ZNF740: variants seen among roughly 807,000 people sequenced by gnomAD.
ZNF740 encodes the protein zinc finger protein 740.
A neutral mutation model predicts 24.8 loss-of-function variants in ZNF740; 14 were observed. The observed-to-expected ratio is 0.56, with a 90% CI of 0.37 to 0.88. ZNF740 has a LOEUF of 0.88. ZNF740 is among the 40% of genes least tolerant of loss of function. ZNF740 has a pLI of 0.00. For missense variants in ZNF740, 201 were observed against 247.9 expected, an observed-to-expected ratio of 0.81 and a Z score of 1.27; for synonymous variants, 69 against 84.0, an observed-to-expected ratio of 0.82 and a Z score of 0.98.
rs1251859486 is a variant in ZNF740 at position 53,191,755 on chromosome 12, T to TG, written c.*4167dup. The stretch of plus-strand genomic sequence containing the variant: ...AGCTGATGGAAGTTAGCAGAGGGGT[T>TG]GGTTACATGTGCCAGGGGCTGGGGG... On this transcript the variant is annotated 3_prime_UTR_variant, in exon 7 of 7. Coordinates refer to ENST00000416904, the MANE Select transcript of ZNF740 (RefSeq NM_001004304.4). The TG allele has an allele frequency of 6.5e-7, 1 of 1,533,590 alleles. No homozygotes were observed. The highest frequency in any genetic ancestry group is 9.0e-7 in the Non-Finnish European group (1 of 1,109,168). The allele number at this position is 1,533,590 out of a possible 1,614,324, so 95.0% of individuals were successfully genotyped here. A position where few individuals can be genotyped will look rare whatever the true frequency, so the allele number is the denominator to read the frequency against.
Position 53,193,119 on chromosome 12 carries a change from T to G in ZNF740, c.*5529T>G. ...GGGAAGGCCTCTCAGACCCCGCCCTTCTCCCCAAGGCTCCAGGTACCTCCG... is the reference window on the plus strand; with the variant it reads ...GGGAAGGCCTCTCAGACCCCGCCCTGCTCCCCAAGGCTCCAGGTACCTCCG... On this transcript the variant is annotated 3_prime_UTR_variant, in exon 7 of 7. Coordinates refer to ENST00000416904, the MANE Select transcript of ZNF740 (RefSeq NM_001004304.4). The G allele has an allele frequency of 6.3e-7, 1 of 1,589,670 alleles. No homozygotes were observed. Among genetic ancestry groups the G allele is most frequent in the Non-Finnish European group, 8.6e-7 (1 of 1,162,174 alleles).
In ZNF740 at chr12:53,188,255, T is replaced by C. The variant is rs1941861505; in HGVS notation, c.*665T>C. 1 of 152,542 alleles carries C rather than the reference T, an allele frequency of 6.6e-6. No homozygotes were observed. The highest frequency in any genetic ancestry group is 1.5e-5 in the Non-Finnish European group (1 of 68,124). 9.4% of individuals were successfully genotyped at this position (152,542 alleles called of 1,614,324 possible). ...GCAGACAAGGGCTGGATCCAAAAAG[T>C]GGATGGCACCTCTTCCTTCCTCAAG... On this transcript the variant is annotated 3_prime_UTR_variant, in exon 7 of 7. Transcript: ENST00000416904.
In ZNF740 at chr12:53,187,631, T is replaced by C. The variant is rs1941849437; in HGVS notation, c.*41T>C. Reference sequence around the variant, plus strand: ...GGTGGTGGGAGTGATCAGAAGAACCTGCCGAAGAGCACACCCCCTCTGGTC... The same window carrying C: ...GGTGGTGGGAGTGATCAGAAGAACCCGCCGAAGAGCACACCCCCTCTGGTC... On this transcript the variant is annotated 3_prime_UTR_variant, in exon 7 of 7. Transcript: ENST00000416904. 6.5e-7 allele frequency: 1 copy of C among 1,529,984 alleles called. No homozygotes were observed. The highest frequency in any genetic ancestry group is 9.0e-7 in the Non-Finnish European group (1 of 1,105,660). The allele number at this position is 1,529,984 out of a possible 1,614,324, so 94.8% of individuals were successfully genotyped here.
chr12:53,184,495 G>A (rs1941785121), intron 2 of ZNF740, among the ~76,000 whole-genome samples: 1 of 152,152 alleles, frequency 6.6e-6, no homozygotes, highest in Non-Finnish European at 1.5e-5. Flanking sequence ...CCAGCTGAGG[G>A]CTGTTGAGGG....
chr12:53,185,909 A>G, intron 4 of ZNF740, 45 bp from the exon 5 acceptor site: 1 of 1,606,140 alleles, frequency 6.2e-7, no homozygotes, highest in South Asian at 1.1e-5. Context: ...GTCTCCAGGA[A>G]GAGGGCAGTG....
At chr12:53,183,770 T>C (rs1457030615) in intron 2 of ZNF740, among the ~76,000 whole-genome samples, 1 of 152,068 alleles carries the variant, frequency 6.6e-6, no homozygotes, top group East Asian at 1.9e-4. Flanking sequence ...TAGCCTGTAG[T>C]CCCAGGACCT....
intron 4 of ZNF740, among the ~76,000 whole-genome samples, 183 bp from the exon 5 acceptor site, chr12:53,185,771 T>C (rs1230511985): frequency 6.6e-6 from 1 of 152,136 alleles, no homozygotes; most frequent in Non-Finnish European, 1.5e-5. Flanking sequence ...ATAGACAGCT[T>C]ACCCACTCCA....
At chr12:53,184,258 G>A (rs1177171959) in intron 2 of ZNF740, among the ~76,000 whole-genome samples, 5 of 151,206 alleles carry the variant, frequency 3.3e-5, no homozygotes, top group African/African-American at 9.7e-5. Flanking sequence ...GCGCGATTTC[G>A]GCTCACTGCA....
rs59250662 is a variant in ZNF740 at position 53,184,150 on chromosome 12, T to TGTGTGTGTGTGCGC, written c.10-740_10-739insTGTGTGTGTGCGCG. 9.7e-4 allele frequency among the ~76,000 whole-genome samples: 101 copies of TGTGTGTGTGTGCGC among 104,414 alleles called. 2 individuals carry two copies. The highest frequency in any genetic ancestry group is 3.3e-3 in the South Asian group (11 of 3,326). The allele number at this position is 104,414 out of a possible 152,430, so 68.5% of individuals were successfully genotyped here. ...GTGTGTGTGTGTGTGTGTGTGTGTG[T>TGTGTGTGTGTGCGC]GCGCGCGCGCGCTCTGAAGCTAAGG... On this transcript the variant is annotated intron_variant, in intron 2 of 6. Coordinates refer to ENST00000416904, the MANE Select transcript of ZNF740 (RefSeq NM_001004304.4).
Position 53,193,037 on chromosome 12 carries a change from C to T in ZNF740, c.*5447C>T, listed in dbSNP as rs994556038. On this transcript the variant is annotated 3_prime_UTR_variant, in exon 7 of 7. Coordinates refer to ENST00000416904, the MANE Select transcript of ZNF740 (RefSeq NM_001004304.4). The stretch of plus-strand genomic sequence containing the variant: ...CAACCACACCCTCTAACCCATACAC[C>T]GGAATCTTTTGATATTTGCCTTCCA... 1.4e-5 allele frequency: 19 copies of T among 1,375,366 alleles called. No homozygotes were observed. The highest frequency in any genetic ancestry group is 3.9e-5 in the South Asian group (3 of 77,568). The allele number at this position is 1,375,366 out of a possible 1,614,324, so 85.2% of individuals were successfully genotyped here. A position where few individuals can be genotyped will look rare whatever the true frequency, so the allele number is the denominator to read the frequency against.
rs1942014409 is a variant in ZNF740, at chr12:53,192,924, A to G, written c.*5334A>G. On this transcript the variant is annotated 3_prime_UTR_variant, in exon 7 of 7. Transcript: ENST00000416904. ...AGCGACCAAAGCCTGGGGTAGAGCC[A>G]TGCAGAGGGTGACAACCATACTCCA... 6.8e-6 allele frequency: 11 copies of G among 1,611,632 alleles called. No homozygotes were observed. Among genetic ancestry groups the G allele is most frequent in the Non-Finnish European group, 9.3e-6 (11 of 1,178,062 alleles).
In ZNF740 at chr12:53,187,557, G is replaced by C. The variant is rs767576327; in HGVS notation, c.549G>C (p.Gln183His). Reference sequence around the variant, plus strand: ...ACAAACGGATGTGCCAAGGGTGCCAGTCCAAGACTTCCGACGGGCAGTTTT... The same window carrying C: ...ACAAACGGATGTGCCAAGGGTGCCACTCCAAGACTTCCGACGGGCAGTTTT... Reference protein sequence around the residue: ...LRHKRMCQGCQSKTSDGQFSL With the variant: ...LRHKRMCQGCHSKTSDGQFSL The change falls in exon 7 of 7, where the codon CAG (glutamine) becomes CAC (histidine). Residue 183 changes from glutamine (Q) to histidine (H), a missense_variant. Physicochemically the swap from Gln to His is conservative, Grantham distance 24. This residue lies in a region of ZNF740 where 24 missense variants were observed against 17.8 expected (regional missense o/e 1.35). Coordinates refer to ENST00000416904, the MANE Select transcript of ZNF740 (RefSeq NM_001004304.4). 3.7e-6 allele frequency: 6 copies of C among 1,613,918 alleles called. No homozygotes were observed. Among genetic ancestry groups the C allele is most frequent in the African/African-American group, 2.7e-5 (2 of 74,924 alleles).
At chr12:53,182,399 G>T (rs140842926) in intron 2 of ZNF740, among the ~76,000 whole-genome samples, 1 of 152,240 alleles carries the variant, frequency 6.6e-6, no homozygotes, top group East Asian at 1.9e-4. Flanking sequence ...GATTGTCCTT[G>T]TCCCCAGTGA....
rs367877432 is a variant in ZNF740, at chr12:53,191,953, C to T, written c.*4363C>T. The stretch of plus-strand genomic sequence containing the variant: ...CGAGAGCCGGTAAGCCAGGACCAGC[C>T]CCAGCCCCACTGCCACGATGCCCCC... On this transcript the variant is annotated 3_prime_UTR_variant, in exon 7 of 7. Transcript: ENST00000416904. 6.2e-7 allele frequency: 1 copy of T among 1,611,872 alleles called. No individual in the cohort carries two copies. The highest frequency in any genetic ancestry group is 8.5e-7 in the Non-Finnish European group (1 of 1,179,994).
In ZNF740 at chr12:53,185,982, T is replaced by G. The variant is rs761582130; in HGVS notation, c.278T>G (p.Phe93Cys). 1 of 1,613,834 alleles carries G rather than the reference T, an allele frequency of 6.2e-7. No homozygotes were observed. Among genetic ancestry groups the G allele is most frequent in the East Asian group, 2.2e-5 (1 of 44,886 alleles). Residue 93 changes from phenylalanine to cysteine, a missense_variant, in exon 5 of 7, where the codon TTT (phenylalanine) becomes TGT (cysteine). Transcript: ENST00000416904. ...KVVVVEQNGSFQVKIPKNFVC... is the reference protein window; with the variant it reads ...KVVVVEQNGSCQVKIPKNFVC... ...GTGGTAGTGGAACAAAATGGTTCTT[T>G]TCAAGTAAAGATTCCCAAAAATTTT...
In ZNF740 at chr12:53,192,240, G is replaced by T; in HGVS notation, c.*4650G>T. 7.1e-7 allele frequency: 1 copy of T among 1,401,058 alleles called. No homozygotes were observed. The highest frequency in any genetic ancestry group is 1.0e-6 in the Non-Finnish European group (1 of 1,001,756). The allele number at this position is 1,401,058 out of a possible 1,614,324, so 86.8% of individuals were successfully genotyped here. Reference sequence around the variant, plus strand: ...ATTCACAGTTCTGCTTCAGCCCCCAGCCTGTTTCCCATTATCTTCACTCTG... The same window carrying T: ...ATTCACAGTTCTGCTTCAGCCCCCATCCTGTTTCCCATTATCTTCACTCTG... On this transcript the variant is annotated 3_prime_UTR_variant, in exon 7 of 7. Coordinates refer to ENST00000416904, the MANE Select transcript of ZNF740 (RefSeq NM_001004304.4).
chr12:53,186,741 G>A, intron 6 of ZNF740: 1 of 421,778 alleles, frequency 2.4e-6, no homozygotes. Context: ...TCTATGCCAG[G>A]CACTGTGAGA....
At chr12:53,180,965 G>A (rs1941575811) in intron 1 of ZNF740, 128 bp downstream of exon 1, 4 of 799,616 alleles carry the variant, frequency 5.0e-6, no homozygotes, top group Non-Finnish European at 6.2e-6. Flanking sequence ...CGAAGGGAGG[G>A]GGATCTCCGG....
At chr12:53,187,208 T>C (rs1284241607) in intron 6 of ZNF740, among the ~76,000 whole-genome samples, 1 of 152,250 alleles carries the variant, frequency 6.6e-6, no homozygotes, top group Non-Finnish European at 1.5e-5. Context: ...AAAGCAGCTG[T>C]GCTGTGAGTA....
Sources: gnomAD v4.1 joint callset for allele counts (sites outside exome capture counted in the v4.1 genomes callset) on GRCh38, gnomAD v4.1.1 for gene constraint, gnomAD v4.1.1 regional missense constraint, MANE v1.5 for transcripts, NCBI Gene and HGNC (gene_info 2026-07-23, HGNC 2026-07-21) for gene names.